NR5A1: variants seen among roughly 807,000 people sequenced by gnomAD.
The protein encoded by NR5A1 is nuclear receptor subfamily 5 group A member 1.
In NR5A1, 6 loss-of-function variants were observed where a neutral mutation model predicts 42.7. The ratio of observed to expected loss-of-function variants is 0.14; its 90% CI spans 0.08 to 0.28. NR5A1 has a LOEUF of 0.28. Among genes scored for constraint, NR5A1 ranks in the 10% least tolerant of loss-of-function variants. The probability of loss-of-function intolerance (pLI) is 1.00; values close to 1 mark genes in which losing one functional copy is unlikely to be tolerated. For synonymous variants in NR5A1, 274 were observed against 277.5 expected, an observed-to-expected ratio of 0.99 and a Z score of 0.12; for missense variants, 442 against 626.4, an observed-to-expected ratio of 0.71 and a Z score of 3.14.
rs879911122 is a variant in NR5A1, at chr9:124,504,051, A to AGAGAGAGAGAGAGAG, written c.-15-642_-15-641insCTCTCTCTCTCTCTC. ...GAGAGAGAGAGAGAGAGAGAGAGAG[A>AGAGAGAGAGAGAGAG]CGAGAGAGAGAGAGAGAGAGAGAAA... On this transcript the variant is annotated intron_variant, in intron 1 of 6. Coordinates refer to ENST00000373588, the MANE Select transcript of NR5A1 (RefSeq NM_004959.5). Among the ~76,000 whole-genome samples, 161 of 126,618 alleles carry AGAGAGAGAGAGAGAG rather than the reference A, an allele frequency of 1.3e-3. 20 individuals are homozygous for AGAGAGAGAGAGAGAG. The highest frequency in any genetic ancestry group is 5.1e-3 in the African/African-American group (124 of 24,286). The allele number at this position is 126,618 out of a possible 152,430, so 83.1% of individuals were successfully genotyped here.
Position 124,482,654 on chromosome 9 carries a change from G to A in NR5A1, c.*104C>T, listed in dbSNP as rs947440291. ...GGGACGGGGCTGGGGCTCCTCGGTG[G>A]GCATCAGAAAATGAACCATGCGGAG... On this transcript the variant is annotated 3_prime_UTR_variant, in exon 7 of 7. Coordinates refer to ENST00000373588, the MANE Select transcript of NR5A1 (RefSeq NM_004959.5). 2.7e-5 allele frequency: 36 copies of A among 1,321,136 alleles called. 1 individual carries two copies. The highest frequency in any genetic ancestry group is 3.6e-5 in the Non-Finnish European group (34 of 954,242). 81.8% of individuals were successfully genotyped at this position (1,321,136 alleles called of 1,614,324 possible).
intron 6 of NR5A1, among the ~76,000 whole-genome samples, chr9:124,487,687 G>T (rs530381612): frequency 3.3e-4 from 51 of 152,346 alleles, no homozygotes; most frequent in Non-Finnish European, 6.0e-4. Context: ...GGCCCAGGGC[G>T]GAGCCGCCCC....
intron 5 of NR5A1, among the ~76,000 whole-genome samples, chr9:124,492,599 C>T (rs547445991): frequency 2.6e-5 from 4 of 152,288 alleles, no homozygotes; most frequent in African/African-American, 9.6e-5. Context: ...TCATCTCTCA[C>T]CTCATGCCAC....
At chr9:124,490,061 C>G (rs1363525681) in intron 6 of NR5A1, among the ~76,000 whole-genome samples, 1 of 152,192 alleles carries the variant, frequency 6.6e-6, no homozygotes, top group Non-Finnish European at 1.5e-5. Context: ...AAGACAATAC[C>G]TTAATCCTGC....
At chr9:124,497,172 G>A (rs945459194) in intron 4 of NR5A1, among the ~76,000 whole-genome samples, 20 of 152,154 alleles carry the variant, frequency 1.3e-4, no homozygotes, top group Admixed American at 7.9e-4. Context: ...AACTGCCCGC[G>A]CTCAGTTCTT....
At chr9:124,483,936 G>A (rs1055629199) in intron 6 of NR5A1, among the ~76,000 whole-genome samples, 2 of 152,174 alleles carry the variant, frequency 1.3e-5, no homozygotes, top group Non-Finnish European at 2.9e-5. Context: ...GTGCAGATGC[G>A]CTGACATCCT....
intron 6 of NR5A1, among the ~76,000 whole-genome samples, chr9:124,486,551 C>G (rs76399357): frequency 0.017 from 2,632 of 152,240 alleles, 67 homozygotes; most frequent in African/African-American, 0.059. Flanking sequence ...TTGGACATAA[C>G]TTTATGTCCC....
At chr9:124,504,990 C>T (rs868065955) in intron 1 of NR5A1, among the ~76,000 whole-genome samples, 8 of 151,298 alleles carry the variant, frequency 5.3e-5, no homozygotes, top group African/African-American at 1.5e-4. Flanking sequence ...GCCAACCCGC[C>T]GCGCCGGGGC....
chr9:124,504,047 A>AC (rs1214464976), intron 1 of NR5A1, among the ~76,000 whole-genome samples: 9 of 130,870 alleles, frequency 6.9e-5, no homozygotes, highest in South Asian at 6.8e-4. Flanking sequence ...AGAGAGAGAG[A>AC]GAGACGAGAG....
At chr9:124,490,473 G>A (rs2131276919) in intron 6 of NR5A1, among the ~76,000 whole-genome samples, 1 of 152,270 alleles carries the variant, frequency 6.6e-6, no homozygotes, top group Non-Finnish European at 1.5e-5. Context: ...TGGCCGGGCT[G>A]GGCTGGGCCA....
chr9:124,495,730 G>A (rs1832382283), intron 4 of NR5A1, among the ~76,000 whole-genome samples: 2 of 152,338 alleles, frequency 1.3e-5, no homozygotes, highest in South Asian at 4.1e-4. Context: ...AGGAGATAAG[G>A]CTTCAGGCCA....
intron 6 of NR5A1, among the ~76,000 whole-genome samples, chr9:124,487,676 C>T (rs1045743937): frequency 1.3e-5 from 2 of 152,238 alleles, no homozygotes; most frequent in Admixed American, 6.5e-5. Flanking sequence ...CCAGGCTGTC[C>T]GGCCCAGGGC....
At chr9:124,497,102 C>A (rs139857580) in intron 4 of NR5A1, among the ~76,000 whole-genome samples, 1 of 152,188 alleles carries the variant, frequency 6.6e-6, no homozygotes, top group Admixed American at 6.5e-5. Context: ...AGCCTGCAGG[C>A]GTCGATTAAA....
Position 124,496,051 on chromosome 9 carries a change from G to A in NR5A1, c.871-2902C>T, listed in dbSNP as rs774700282. ...CGGTGGACCTGCTGTTGGTTCTTAC[G>A]TGGATGCTGCCCGGCCGGGATCCCA... On this transcript the variant is annotated intron_variant, in intron 4 of 6. Coordinates refer to ENST00000373588, the MANE Select transcript of NR5A1 (RefSeq NM_004959.5). The surrounding 1 kb of genome is among the most constrained non-coding windows in gnomAD (Gnocchi z 5.0). Among the ~76,000 whole-genome samples the A allele has an allele frequency of 1.6e-4, 24 of 152,150 alleles. No homozygotes were observed. Among genetic ancestry groups the A allele is most frequent in the African/African-American group, 5.1e-4 (21 of 41,430 alleles).
chr9:124,503,480 C>T lies in NR5A1; in HGVS notation c.-15-70G>A. The stretch of plus-strand genomic sequence containing the variant: ...GCCTGGGGTCCCCGCGGCCGCCGCC[C>T]CAGCCGCTGTCGCCGGCCCGTCGCG... On this transcript the variant is annotated intron_variant, in intron 1 of 6. Coordinates refer to ENST00000373588, the MANE Select transcript of NR5A1 (RefSeq NM_004959.5). This position sits in a 1 kb window ranked among gnomAD's most constrained non-coding sequence, Gnocchi z 9.6. 2 of 1,318,206 alleles carry T rather than the reference C, an allele frequency of 1.5e-6. No individual in the cohort carries two copies. Among genetic ancestry groups the T allele is most frequent in the South Asian group, 1.4e-5 (1 of 72,432 alleles). The allele number at this position is 1,318,206 out of a possible 1,614,324, so 81.7% of individuals were successfully genotyped here.
chr9:124,502,998 C>A (rs1364224466), intron 3 of NR5A1, 81 bp downstream of exon 3: 3 of 1,484,852 alleles, frequency 2.0e-6, no homozygotes, highest in African/African-American at 2.8e-5. Context: ...ATGGTACTAT[C>A]CCCTCAGCCC....
chr9:124,495,165 C>A (rs978946967), intron 4 of NR5A1, among the ~76,000 whole-genome samples: 1 of 152,232 alleles, frequency 6.6e-6, no homozygotes, highest in South Asian at 2.1e-4. Context: ...AGCTTTCTTC[C>A]CAGAGCCCCT....
Position 124,498,654 on chromosome 9 carries a change from T to G in NR5A1, c.870+1436A>C, listed in dbSNP as rs1164698037. 1.3e-5 allele frequency among the ~76,000 whole-genome samples: 2 copies of G among 152,218 alleles called. No homozygotes were observed. Among genetic ancestry groups the G allele is most frequent in the African/African-American group, 4.8e-5 (2 of 41,454 alleles). On this transcript the variant is annotated intron_variant, in intron 4 of 6. Coordinates refer to ENST00000373588, the MANE Select transcript of NR5A1 (RefSeq NM_004959.5). This position sits in a 1 kb window ranked among gnomAD's most constrained non-coding sequence, Gnocchi z 4.6. The stretch of plus-strand genomic sequence containing the variant: ...TCATCCCCACCAGGGCCTCCAGCCA[T>G]GAGCAGAAGGCAGGTGGGAGTATTC...
intron 5 of NR5A1, among the ~76,000 whole-genome samples, chr9:124,492,071 A>C (rs7847540): frequency 0.56 from 85,402 of 151,838 alleles, 24,625 homozygotes; most frequent in African/African-American, 0.68. Flanking sequence ...GACACCGAGG[A>C]GAGAGCTGGA....
Sources: allele counts gnomAD v4.1 joint callset (sites outside exome capture counted in the v4.1 genomes callset), GRCh38; gene constraint gnomAD v4.1.1; non-coding constraint Gnocchi (gnomAD v3.1); transcripts MANE v1.5; gene names NCBI Gene and HGNC (gene_info 2026-07-23, HGNC 2026-07-21).